Variants in BNC2 observed in about 807,000 individuals in gnomAD.
BNC2 encodes zinc finger protein basonuclin-2.
BNC2 carries 20 observed loss-of-function variants against 76.3 expected under a neutral mutation model. The ratio of observed to expected loss-of-function variants is 0.26; its 90% CI spans 0.18 to 0.38. The LOEUF is 0.38. Ranked by LOEUF, BNC2 falls within the 10% of genes least tolerant of loss-of-function variation. The probability of loss-of-function intolerance (pLI) is 1.00; values close to 1 mark genes in which losing one functional copy is unlikely to be tolerated. For missense variants in BNC2, 1,382 were observed against 1,399.8 expected (o/e 0.99, Z 0.20); for synonymous variants, 582 against 514.8 (o/e 1.13, Z -1.77).
chr9:16,479,188 G>A (rs1821992357), intron 5 of BNC2, among the ~76,000 whole-genome samples: 1 of 150,676 alleles, frequency 6.6e-6, no homozygotes. Context: ...GGAGGCGGAG[G>A]CTGCAGTGAG....
At chr9:16,557,359 C>A (rs1229429737) in intron 4 of BNC2, among the ~76,000 whole-genome samples, 1 of 151,922 alleles carries the variant, frequency 6.6e-6, no homozygotes, top group African/African-American at 2.4e-5. Context: ...ATAAGCCGGG[C>A]ATGGTGGCAC....
chr9:16,458,353 G>C (rs1277598490), intron 5 of BNC2, among the ~76,000 whole-genome samples: 1 of 152,190 alleles, frequency 6.6e-6, no homozygotes, highest in Non-Finnish European at 1.5e-5. Context: ...AGCAGCTTTT[G>C]TGGTCCTTTT....
At chr9:16,511,149 AC>A (rs1464219428) in intron 5 of BNC2, among the ~76,000 whole-genome samples, 1 of 134,790 alleles carries the variant, frequency 7.4e-6, no homozygotes, top group African/African-American at 2.8e-5. Flanking sequence ...TTGTTCTGTC[AC>A]CCAGGCTGGA....
chr9:16,478,443 G>A (rs1821973993), intron 5 of BNC2, among the ~76,000 whole-genome samples: 1 of 152,158 alleles, frequency 6.6e-6, no homozygotes, highest in Non-Finnish European at 1.5e-5. Flanking sequence ...TTGTTAATGA[G>A]CAAAGACACT....
intron 5 of BNC2, among the ~76,000 whole-genome samples, chr9:16,475,602 T>C (rs2131427589): frequency 6.6e-6 from 1 of 152,354 alleles, no homozygotes; most frequent in Admixed American, 6.5e-5. Context: ...TCTCTACTTC[T>C]CAAATTAAAA....
In BNC2 at chr9:16,452,384, C is replaced by G. The variant is rs148874562; in HGVS notation, c.670-14860G>C. On this transcript the variant is annotated intron_variant, in intron 5 of 6. Transcript: ENST00000380672. ...GAGTGAATAAATGAATTAAATGAGC[C>G]AGTTTAATATTAGACACATAAATAA... Among the ~76,000 whole-genome samples the G allele has an allele frequency of 9.1e-4, 138 of 152,084 alleles. 1 individual carries two copies. The East Asian group carries it at 0.017, about 19-fold the overall frequency.
At chr9:16,729,290 C>G (rs1824440282) in intron 2 of BNC2, among the ~76,000 whole-genome samples, 1 of 152,182 alleles carries the variant, frequency 6.6e-6, no homozygotes, top group African/African-American at 2.4e-5. Flanking sequence ...CCTTCCTAAA[C>G]TTAACATGTA....
intron 3 of BNC2, among the ~76,000 whole-genome samples, chr9:16,586,427 C>T (rs956038857): frequency 1.3e-5 from 2 of 152,202 alleles, no homozygotes; most frequent in African/African-American, 4.8e-5. Context: ...CCAGATTCTG[C>T]CCCACACGTG....
At chr9:16,783,828 C>G (rs1372482911) in intron 1 of BNC2, among the ~76,000 whole-genome samples, 1 of 152,098 alleles carries the variant, frequency 6.6e-6, no homozygotes. Context: ...CATCCCTAAC[C>G]TTTGGCTAAC....
intron 1 of BNC2, among the ~76,000 whole-genome samples, chr9:16,862,456 TGA>T (rs1397652577): frequency 6.6e-6 from 1 of 152,166 alleles, no homozygotes; most frequent in Non-Finnish European, 1.5e-5. Context: ...GACTTACAAA[TGA>T]GAGAACACAG....
At chr9:16,513,198 T>C (rs1822799875) in intron 5 of BNC2, among the ~76,000 whole-genome samples, 1 of 151,966 alleles carries the variant, frequency 6.6e-6, no homozygotes, top group Non-Finnish European at 1.5e-5. Context: ...AAATGAAAGG[T>C]ATAGAATGTT....
chr9:16,568,320 G>A (rs762454949), intron 4 of BNC2, among the ~76,000 whole-genome samples: 1 of 152,034 alleles, frequency 6.6e-6, no homozygotes, highest in Non-Finnish European at 1.5e-5. Flanking sequence ...AATTTCTGGG[G>A]TCAGATTTTA....
chr9:16,717,784 A>C (rs1414758239), intron 3 of BNC2, among the ~76,000 whole-genome samples: 1 of 152,204 alleles, frequency 6.6e-6, no homozygotes, highest in African/African-American at 2.4e-5. Flanking sequence ...GCTTATATTG[A>C]AGCTCATTTT....
At chr9:16,718,603 C>A (rs2134833322) in intron 3 of BNC2, among the ~76,000 whole-genome samples, 1 of 152,254 alleles carries the variant, frequency 6.6e-6, no homozygotes, top group East Asian at 1.9e-4. Flanking sequence ...CTCCCACTTG[C>A]TGAAAATGGC....
At chr9:16,635,203 C>G (rs888686149) in intron 3 of BNC2, among the ~76,000 whole-genome samples, 5 of 152,146 alleles carry the variant, frequency 3.3e-5, no homozygotes, top group African/African-American at 1.2e-4. Flanking sequence ...AAGAGATTAA[C>G]TTTAATCCCA....
At chr9:16,739,400 G>GGCTC (rs1824775434) in intron 1 of BNC2, among the ~76,000 whole-genome samples, 2 of 152,236 alleles carry the variant, frequency 1.3e-5, no homozygotes, top group South Asian at 4.1e-4. Context: ...CGGGCATGGT[G>GGCTC]GCTCACGCCT....
chr9:16,464,196 CAAAT>C (rs150514371), intron 5 of BNC2, among the ~76,000 whole-genome samples: 37 of 151,704 alleles, frequency 2.4e-4, no homozygotes, highest in South Asian at 4.2e-4. Flanking sequence ...TTAAGATCCT[CAAAT>C]AAATAAATAA....
chr9:16,627,849 T>C (rs376456747), intron 3 of BNC2, among the ~76,000 whole-genome samples: 2 of 152,322 alleles, frequency 1.3e-5, no homozygotes, highest in South Asian at 4.1e-4. Flanking sequence ...ATCATAATAC[T>C]TTGCAGAAAG....
At chr9:16,434,199 T>C (rs188114732) in intron 6 of BNC2, among the ~76,000 whole-genome samples, 7 of 152,326 alleles carry the variant, frequency 4.6e-5, no homozygotes, top group African/African-American at 1.7e-4. Context: ...TTTTCAAAGA[T>C]TGGCCCCCTT....
Sources: gnomAD v4.1 joint callset for allele counts (sites outside exome capture counted in the v4.1 genomes callset) on GRCh38, gnomAD v4.1.1 for gene constraint, MANE v1.5 for transcripts, NCBI Gene and HGNC (gene_info 2026-07-23, HGNC 2026-07-21) for gene names.